Variants in CACNA2D3 observed in about 807,000 individuals in gnomAD.
CACNA2D3 encodes the protein calcium voltage-gated channel auxiliary subunit alpha2delta 3, also known as voltage-dependent calcium channel subunit alpha-2/delta-3.
CACNA2D3 carries 60 observed loss-of-function variants against 160.6 expected under a neutral mutation model. The ratio of observed to expected loss-of-function variants is 0.37; its 90% CI spans 0.30 to 0.46. The LOEUF (loss-of-function observed/expected upper bound fraction) is 0.46, where lower values mean the gene tolerates loss of function less well. CACNA2D3 is among the 20% of genes least tolerant of loss of function. The pLI, the probability that CACNA2D3 is intolerant of heterozygous loss-of-function variation, is 1.00. For missense variants in CACNA2D3, 1,205 were observed against 1,365.0 expected (o/e 0.88, Z 1.85); for synonymous variants, 558 against 492.9 (o/e 1.13, Z -1.75).
intron 5 of CACNA2D3, among the ~76,000 whole-genome samples, chr3:54,559,959 T>A (rs917645885): frequency 1.3e-5 from 2 of 152,220 alleles, no homozygotes; most frequent in African/African-American, 4.8e-5. Flanking sequence ...TATTTCATGG[T>A]GTATATGTGC....
Position 54,425,543 on chromosome 3 carries a change from A to G in CACNA2D3, c.381+38769A>G, listed in dbSNP as rs188294750. Among the ~76,000 whole-genome samples the G allele has an allele frequency of 1.1e-3, 165 of 152,344 alleles. 2 individuals are homozygous for G. The highest frequency in any genetic ancestry group is 3.8e-3 in the African/African-American group (156 of 41,588). The stretch of plus-strand genomic sequence containing the variant: ...TTCATCTCCTTTTCTGGAATTTCCC[A>G]TGTATCCCTGTTGTCCTCTCTCCAA... On this transcript the variant is annotated intron_variant, in intron 4 of 37. Transcript: ENST00000474759.
intron 2 of CACNA2D3, among the ~76,000 whole-genome samples, chr3:54,317,198 A>G (rs1236546782): frequency 6.6e-6 from 1 of 152,170 alleles, no homozygotes; most frequent in Non-Finnish European, 1.5e-5. Context: ...AGTCTCAGTG[A>G]TGGTCATTGA....
At chr3:54,875,988 T>C (rs2106830357) in intron 18 of CACNA2D3, among the ~76,000 whole-genome samples, 1 of 152,368 alleles carries the variant, frequency 6.6e-6, no homozygotes, top group South Asian at 2.1e-4. Flanking sequence ...TGCCTTTCTC[T>C]GACTATGTGT....
chr3:55,066,965 C>G (rs1217933200), intron 35 of CACNA2D3, among the ~76,000 whole-genome samples: 2 of 152,090 alleles, frequency 1.3e-5, no homozygotes, highest in South Asian at 4.2e-4. Flanking sequence ...GCACCCTGGG[C>G]CATAAATACA....
intron 4 of CACNA2D3, among the ~76,000 whole-genome samples, chr3:54,387,624 C>T (rs1156402111): frequency 6.6e-6 from 1 of 151,988 alleles, no homozygotes; most frequent in Non-Finnish European, 1.5e-5. Flanking sequence ...TGCACTGCAG[C>T]CTGGGTGACA....
intron 31 of CACNA2D3, among the ~76,000 whole-genome samples, chr3:54,989,560 C>T (rs939310717): frequency 6.6e-6 from 1 of 152,162 alleles, no homozygotes; most frequent in African/African-American, 2.4e-5. Flanking sequence ...CAAATCTAGG[C>T]TCTGACATTA....
At chr3:54,679,063 G>A (rs1307333944) in intron 11 of CACNA2D3, among the ~76,000 whole-genome samples, 1 of 152,190 alleles carries the variant, frequency 6.6e-6, no homozygotes, top group Non-Finnish European at 1.5e-5. Context: ...CATGGTTCAA[G>A]ACTTACCTGT....
At chr3:54,640,102 T>A (rs957464113) in intron 10 of CACNA2D3, among the ~76,000 whole-genome samples, 3 of 152,184 alleles carry the variant, frequency 2.0e-5, no homozygotes, top group Non-Finnish European at 4.4e-5. Context: ...GGGCAGGGCA[T>A]ATTCACTTCT....
intron 2 of CACNA2D3, among the ~76,000 whole-genome samples, chr3:54,141,725 G>T (rs1026310993): frequency 6.6e-6 from 1 of 152,272 alleles, no homozygotes; most frequent in Non-Finnish European, 1.5e-5. Context: ...CACTTCATTT[G>T]TAGGGAGGAA....
At chr3:55,027,609 A>G (rs1222056642) in intron 35 of CACNA2D3, among the ~76,000 whole-genome samples, 3 of 152,156 alleles carry the variant, frequency 2.0e-5, no homozygotes, top group Non-Finnish European at 2.9e-5. Flanking sequence ...CTCTAAGACA[A>G]TTACTAATTT....
intron 2 of CACNA2D3, among the ~76,000 whole-genome samples, chr3:54,201,920 A>G (rs571513200): frequency 6.6e-6 from 1 of 152,318 alleles, no homozygotes; most frequent in East Asian, 1.9e-4. Context: ...TGTGAATTCA[A>G]AAGAATTAAT....
At chr3:54,140,869 G>A (rs1211933885) in intron 2 of CACNA2D3, among the ~76,000 whole-genome samples, 1 of 152,186 alleles carries the variant, frequency 6.6e-6, no homozygotes, top group East Asian at 1.9e-4. Flanking sequence ...GAATGAGTGA[G>A]TGTGGAGAAT....
intron 11 of CACNA2D3, among the ~76,000 whole-genome samples, chr3:54,696,527 A>T (rs968990146): frequency 6.6e-6 from 1 of 152,010 alleles, no homozygotes; most frequent in African/African-American, 2.4e-5. Context: ...CTTGTTCAGG[A>T]TGTGGTTATC....
At chr3:54,566,507 T>C (rs1174424927) in intron 6 of CACNA2D3, among the ~76,000 whole-genome samples, 1 of 152,214 alleles carries the variant, frequency 6.6e-6, no homozygotes, top group East Asian at 1.9e-4. Flanking sequence ...CTATTCTTCC[T>C]GTTCTGGCCA....
At chr3:54,669,598 C>A (rs1231652517) in intron 11 of CACNA2D3, among the ~76,000 whole-genome samples, 1 of 151,854 alleles carries the variant, frequency 6.6e-6, no homozygotes, top group African/African-American at 2.4e-5. Context: ...ATATTTAGAA[C>A]CTAAAGGATG....
intron 4 of CACNA2D3, among the ~76,000 whole-genome samples, chr3:54,496,092 A>G (rs532670851): frequency 2.0e-5 from 3 of 152,334 alleles, no homozygotes; most frequent in Non-Finnish European, 4.4e-5. Context: ...TGGGGCTATT[A>G]TGAATGGGGT....
At position 55,067,101 on chromosome 3, in the gene CACNA2D3, C is replaced by T. The variant is rs2361035; in HGVS notation, c.2988-6344C>T. ...TCTTTCCGCTGGCAATCTTTTGTAG[C>T]GGGGGGGGCTTTTCTCCTCTCAGTG... On this transcript the variant is annotated intron_variant, in intron 35 of 37. Coordinates refer to ENST00000474759, the MANE Select transcript of CACNA2D3 (RefSeq NM_018398.3). 7.3e-5 allele frequency among the ~76,000 whole-genome samples: 11 copies of T among 150,432 alleles called. No individual in the cohort carries two copies. The East Asian group carries it at 8.1e-4, about 11-fold the overall frequency.
chr3:54,750,252 G>T (rs1166981936), intron 11 of CACNA2D3, among the ~76,000 whole-genome samples: 1 of 152,134 alleles, frequency 6.6e-6, no homozygotes, highest in African/African-American at 2.4e-5. Context: ...CAAAAATATG[G>T]GTTGTTTTGT....
chr3:54,452,332 G>A (rs1700321077), intron 4 of CACNA2D3, among the ~76,000 whole-genome samples: 1 of 152,162 alleles, frequency 6.6e-6, no homozygotes. Context: ...AACAGTATGG[G>A]GGAAATTGCC....
Sources: allele counts gnomAD v4.1 joint callset (sites outside exome capture counted in the v4.1 genomes callset), GRCh38; gene constraint gnomAD v4.1.1; transcripts MANE v1.5; gene names NCBI Gene and HGNC (gene_info 2026-07-23, HGNC 2026-07-21).